The following SYDE2 variants were observed in gnomAD, a reference collection of about 807,000 sequenced individuals.
The protein encoded by SYDE2 is synapse defective Rho GTPase homolog 2, also known as rho GTPase-activating protein SYDE2.
SYDE2 carries 76 observed loss-of-function variants against 91.5 expected under a neutral mutation model. That is an observed-to-expected ratio of 0.83 (90% CI 0.69 to 1.01). The LOEUF is 1.01. SYDE2 is among the 50% of genes least tolerant of loss of function. The probability of loss-of-function intolerance (pLI) is 0.00; values close to 1 mark genes in which losing one functional copy is unlikely to be tolerated. For missense variants in SYDE2, 1,364 were observed against 1,367.7 expected, an observed-to-expected ratio of 1.00 and a Z score of 0.04; for synonymous variants, 513 against 506.4, an observed-to-expected ratio of 1.01 and a Z score of -0.18.
At chr1:85,196,288 C>T (rs1476547422) in intron 1 of SYDE2, among the ~76,000 whole-genome samples, 2 of 152,108 alleles carry the variant, frequency 1.3e-5, no homozygotes, top group Non-Finnish European at 2.9e-5. Context: ...AAGTACGGTA[C>T]ACCAGACAGC....
chr1:85,196,702 T>C (rs1006949075), intron 1 of SYDE2, among the ~76,000 whole-genome samples: 4 of 151,540 alleles, frequency 2.6e-5, no homozygotes, highest in Admixed American at 2.6e-4. Context: ...AAAAACTATA[T>C]AACTATTGCT....
intron 6 of SYDE2, chr1:85,160,044 T>C (rs1657004549): frequency 1.0e-6 from 1 of 984,716 alleles, no homozygotes; most frequent in Non-Finnish European, 1.2e-6. Context: ...CTCTTGTGTG[T>C]TGAACAAAAT....
At chr1:85,193,763 A>C (rs566526086) in intron 1 of SYDE2, among the ~76,000 whole-genome samples, 3 of 152,160 alleles carry the variant, frequency 2.0e-5, no homozygotes, top group Non-Finnish European at 4.4e-5. Flanking sequence ...AGCTAGGACT[A>C]CAGGCTTGCA....
At chr1:85,200,157 CA>C in intron 1 of SYDE2, 94 bp downstream of exon 1, 1 of 1,579,900 alleles carries the variant, frequency 6.3e-7, no homozygotes, top group Non-Finnish European at 8.6e-7. Context: ...GTACCTGTCG[CA>C]AAAACATAAC....
chr1:85,172,253 G>C (rs1363000203), intron 4 of SYDE2, among the ~76,000 whole-genome samples: 1 of 152,184 alleles, frequency 6.6e-6, no homozygotes, highest in Non-Finnish European at 1.5e-5. Flanking sequence ...TTTTCTCTGT[G>C]AAGTTAGGAG....
chr1:85,174,493 C>T (rs879391902), intron 4 of SYDE2, among the ~76,000 whole-genome samples: 1 of 152,148 alleles, frequency 6.6e-6, no homozygotes, highest in Non-Finnish European at 1.5e-5. Context: ...TGAATATGCA[C>T]ATATACAAAA....
chr1:85,179,948 GA>G (rs11342287), intron 3 of SYDE2, among the ~76,000 whole-genome samples: 34,230 of 152,032 alleles, frequency 0.23, 4,762 homozygotes, highest in African/African-American at 0.38. Flanking sequence ...TTTAAAAGAT[GA>G]AATAAAGGAA....
rs1658809535 is a variant in SYDE2 at position 85,200,905 on chromosome 1, T to G, written c.92A>C (p.Gln31Pro). Residue 31 changes from glutamine to proline, a missense_variant, in exon 1 of 7, where the codon CAG (glutamine) becomes CCG (proline). Coordinates refer to ENST00000341460, the MANE Select transcript of SYDE2 (RefSeq NM_032184.2). ...GTACGCGGCGCCGCGGGAAGGCGGCTGGCCCGGAGCCCGGGCTCCCGCGGG... is the reference window on the plus strand; with the variant it reads ...GTACGCGGCGCCGCGGGAAGGCGGCGGGCCCGGAGCCCGGGCTCCCGCGGG... ...SFPAGARAPG[Q>P]PPSRGAAYRR... is the part of the protein sequence containing the mutation. The G allele has an allele frequency of 2.3e-6, 3 of 1,325,002 alleles. No homozygotes were observed. Among genetic ancestry groups the G allele is most frequent in the African/African-American group, 3.1e-5 (2 of 64,732 alleles). The allele number at this position is 1,325,002 out of a possible 1,614,324, so 82.1% of individuals were successfully genotyped here.
At chr1:85,197,138 G>A (rs1353868805) in intron 1 of SYDE2, among the ~76,000 whole-genome samples, 2 of 152,182 alleles carry the variant, frequency 1.3e-5, no homozygotes, top group Non-Finnish European at 2.9e-5. Flanking sequence ...AAGGCTTGCA[G>A]AAACTTGACA....
intron 1 of SYDE2, among the ~76,000 whole-genome samples, chr1:85,199,066 C>A (rs1658708402): frequency 6.6e-6 from 1 of 152,116 alleles, no homozygotes; most frequent in Non-Finnish European, 1.5e-5. Context: ...GATTTGTCTT[C>A]ATTGTTTGAT....
At chr1:85,195,525 C>T (rs1407934001) in intron 1 of SYDE2, among the ~76,000 whole-genome samples, 1 of 151,836 alleles carries the variant, frequency 6.6e-6, no homozygotes, top group Non-Finnish European at 1.5e-5. Flanking sequence ...GAAAGAAGCA[C>T]CTTTTTTATT....
chr1:85,200,056 A>C (rs551730313), intron 1 of SYDE2, 196 bp downstream of exon 1: 1 of 836,014 alleles, frequency 1.2e-6, no homozygotes. Context: ...AAAAAGAAAA[A>C]AAAAAGCAAA....
chr1:85,157,947 TATA>T lies in SYDE2; in HGVS notation c.*800_*802del, dbSNP rs1186306337. ...TTAATACAGAAAACATTAATACTTG[TATA>T]ATTTCACTTTTATTTATAAAAAGAT... On this transcript the variant is annotated 3_prime_UTR_variant, in exon 7 of 7. Coordinates refer to ENST00000341460, the MANE Select transcript of SYDE2 (RefSeq NM_032184.2). 6.6e-6 allele frequency: 1 copy of T among 152,210 alleles called. No homozygotes were observed. Among genetic ancestry groups the T allele is most frequent in the Non-Finnish European group, 1.5e-5 (1 of 68,040 alleles). The allele number at this position is 152,210 out of a possible 1,614,324, so 9.4% of individuals were successfully genotyped here. A position where few individuals can be genotyped will look rare whatever the true frequency, so the allele number is the denominator to read the frequency against.
intron 6 of SYDE2, among the ~76,000 whole-genome samples, chr1:85,162,635 G>C (rs546986596): frequency 6.6e-6 from 1 of 152,218 alleles, no homozygotes; most frequent in Non-Finnish European, 1.5e-5. Context: ...TTTAGAATAC[G>C]GTGAATTTGA....
In SYDE2 at chr1:85,189,722, G is replaced by C. The variant is rs114490985; in HGVS notation, c.1441+335C>G. On this transcript the variant is annotated intron_variant, in intron 2 of 6. Transcript: ENST00000341460. ...ATGGTGGCACGCACCTGTAGTCCTAGCTACTCAGGAAGCTATGGTGGGAGG... is the reference window on the plus strand; with the variant it reads ...ATGGTGGCACGCACCTGTAGTCCTACCTACTCAGGAAGCTATGGTGGGAGG... Among the ~76,000 whole-genome samples, 628 of 152,262 alleles carry C rather than the reference G, an allele frequency of 4.1e-3. 2 individuals are homozygous for C. The highest frequency in any genetic ancestry group is 0.015 in the African/African-American group (604 of 41,550).
intron 5 of SYDE2, among the ~76,000 whole-genome samples, chr1:85,167,849 C>A (rs1165281673): frequency 6.6e-6 from 1 of 152,102 alleles, no homozygotes; most frequent in East Asian, 1.9e-4. Context: ...CATGGTGGCT[C>A]ACACCTGTAA....
intron 1 of SYDE2, among the ~76,000 whole-genome samples, chr1:85,197,048 T>C (rs574175550): frequency 8.5e-5 from 13 of 152,218 alleles, no homozygotes; most frequent in Non-Finnish European, 1.6e-4. Flanking sequence ...TTCTGAAAAC[T>C]ATATGCTAAT....
At chr1:85,196,534 G>A (rs1360369446) in intron 1 of SYDE2, among the ~76,000 whole-genome samples, 2 of 151,564 alleles carry the variant, frequency 1.3e-5, no homozygotes, top group African/African-American at 2.4e-5. Flanking sequence ...ACTGTTTTCT[G>A]CTGAATTTGT....
intron 6 of SYDE2, among the ~76,000 whole-genome samples, chr1:85,159,510 C>T (rs927586617): frequency 6.6e-6 from 1 of 152,126 alleles, no homozygotes; most frequent in Non-Finnish European, 1.5e-5. Context: ...TTTCCAATGT[C>T]GATTAATTTT....
Sources: gnomAD v4.1 joint callset for allele counts (sites outside exome capture counted in the v4.1 genomes callset) on GRCh38, gnomAD v4.1.1 for gene constraint, MANE v1.5 for transcripts, NCBI Gene and HGNC (gene_info 2026-07-23, HGNC 2026-07-21) for gene names.